Variants in STRA6 observed in about 807,000 individuals in gnomAD.
The protein encoded by STRA6 is receptor for retinol uptake STRA6.
STRA6 carries 48 observed loss-of-function variants against 83.6 expected under a neutral mutation model. That is an observed-to-expected ratio of 0.57 (90% CI 0.46 to 0.73). The LOEUF (loss-of-function observed/expected upper bound fraction) is 0.73, where lower values mean the gene tolerates loss of function less well. Ranked by LOEUF, STRA6 falls within the 30% of genes least tolerant of loss-of-function variation. The probability of loss-of-function intolerance (pLI) is 0.00; values close to 1 mark genes in which losing one functional copy is unlikely to be tolerated. For missense variants in STRA6, 760 were observed against 838.8 expected, an observed-to-expected ratio of 0.91 and a Z score of 1.16; for synonymous variants, 353 against 362.3, an observed-to-expected ratio of 0.97 and a Z score of 0.29.
rs11635868 is a variant in STRA6 at position 74,188,338 on chromosome 15, C to T, written c.1090+777G>A. The stretch of plus-strand genomic sequence containing the variant: ...ACTCCTCAGAAGCCGGGGGCCCATC[C>T]GTCCCAGCCTGGGGTCCCCAAGTAA... On this transcript the variant is annotated intron_variant, in intron 12 of 18. Coordinates refer to ENST00000395105, the MANE Select transcript of STRA6 (RefSeq NM_022369.4). The surrounding 1 kb of genome is among the most constrained non-coding windows in gnomAD (Gnocchi z 4.5). Among the ~76,000 whole-genome samples the T allele has an allele frequency of 0.1, 15,917 of 152,310 alleles. 1,081 individuals are homozygous for T. The highest frequency in any genetic ancestry group is 0.34 in the East Asian group (1,753 of 5,170).
rs778661748 is a variant in STRA6, at chr15:74,182,503, A to G, written c.1301-43T>C. ...GGCAGGGGGACAGAAAACAGGTTCC[A>G]TGAAAACTGGCCATCCCCGCTGCCC... On this transcript the variant is annotated intron_variant, in intron 14 of 18. Coordinates refer to ENST00000395105, the MANE Select transcript of STRA6 (RefSeq NM_022369.4). 5.8e-6 allele frequency: 9 copies of G among 1,539,764 alleles called. No homozygotes were observed. The East Asian group carries it at 1.9e-4, about 32-fold the overall frequency.
chr15:74,202,596 A>C, intron 1 of STRA6, 117 bp downstream of exon 1: 1 of 1,459,046 alleles, frequency 6.9e-7, no homozygotes, highest in Non-Finnish European at 9.0e-7. Flanking sequence ...ACCAACCACC[A>C]GCAGGCGTGT....
At chr15:74,191,696 A>C in intron 8 of STRA6, 1 of 625,144 alleles carries the variant, frequency 1.6e-6, no homozygotes, top group Middle Eastern at 4.1e-4. Flanking sequence ...TCACAAATAC[A>C]AGGCCAGTCT....
upstream of STRA6, chr15:74,212,238 C>T (rs2074374943): frequency 6.6e-6 from 1 of 152,424 alleles, no homozygotes; most frequent in Non-Finnish European, 1.5e-5. Flanking sequence ...CCTTCAGAGC[C>T]TGGTGGAGCA....
At chr15:74,194,900 C>T in intron 7 of STRA6, 1 of 1,394,848 alleles carries the variant, frequency 7.2e-7, no homozygotes, top group East Asian at 2.6e-5. Context: ...CTCCTCTCAG[C>T]CCTCTTAGAC....
At chr15:74,209,918 A>G (rs2074344502), upstream of STRA6, among the ~76,000 whole-genome samples, 1 of 152,204 alleles carries the variant, frequency 6.6e-6, no homozygotes, top group South Asian at 2.1e-4. Context: ...TTGAAGGAGA[A>G]AGGGAGTGCC....
intron 11 of STRA6, among the ~76,000 whole-genome samples, chr15:74,190,622 T>C (rs2073482589): frequency 6.6e-6 from 1 of 152,196 alleles, no homozygotes; most frequent in Non-Finnish European, 1.5e-5. Flanking sequence ...TTCGTGTTTA[T>C]GTGGCCTCCA....
intron 2 of STRA6, among the ~76,000 whole-genome samples, chr15:74,201,410 C>T (rs140516208): frequency 2.0e-5 from 3 of 152,298 alleles, no homozygotes; most frequent in East Asian, 1.9e-4. Context: ...CTGGGTCCTA[C>T]ACAGGCAAGA....
intron 11 of STRA6, among the ~76,000 whole-genome samples, chr15:74,190,462 CAAACATGT>C (rs2073475786): frequency 6.6e-6 from 1 of 151,136 alleles, no homozygotes; most frequent in South Asian, 2.1e-4. Context: ...CAGAGTTTAT[CAAACATGT>C]TGTCTTGCTA....
chr15:74,202,748 A>C lies in STRA6; in HGVS notation c.-51T>G, dbSNP rs2074138177. The C allele has an allele frequency of 8.2e-7, 1 of 1,226,948 alleles. No homozygotes were observed. Among genetic ancestry groups the C allele is most frequent in the Non-Finnish European group, 1.0e-6 (1 of 984,732 alleles). The allele number at this position is 1,226,948 out of a possible 1,614,324, so 76.0% of individuals were successfully genotyped here. On this transcript the variant is annotated 5_prime_UTR_variant, in exon 1 of 19. Transcript: ENST00000395105. ...GCCCAGGGAGGAAGGAGTTGCAGAGATGAAAGGGTAGGCAGCCCACGGCCA... is the reference window on the plus strand; with the variant it reads ...GCCCAGGGAGGAAGGAGTTGCAGAGCTGAAAGGGTAGGCAGCCCACGGCCA...
upstream of STRA6, chr15:74,207,646 G>C: frequency 1.3e-6 from 2 of 1,488,822 alleles, no homozygotes; most frequent in Non-Finnish European, 1.8e-6. Context: ...GCACGGAAGA[G>C]AACACGCAAG....
intron 3 of STRA6, 53 bp downstream of exon 3, chr15:74,197,699 C>T: frequency 6.2e-7 from 1 of 1,604,670 alleles, no homozygotes; most frequent in Non-Finnish European, 8.5e-7. Context: ...ACAGGTCCCA[C>T]TGCCCAGGCT....
chr15:74,202,083 G>A, intron 2 of STRA6, 72 bp downstream of exon 2: 1 of 1,381,178 alleles, frequency 7.2e-7, no homozygotes, highest in South Asian at 2.2e-5. Context: ...GCTGCTCCCT[G>A]GCCAGTTGCA....
In STRA6 at chr15:74,195,421, G is replaced by C; in HGVS notation, c.478C>G (p.Pro160Ala). The C allele has an allele frequency of 6.2e-7, 1 of 1,613,736 alleles. No homozygotes were observed. The highest frequency in any genetic ancestry group is 1.1e-5 in the South Asian group (1 of 90,996). The part of the protein sequence containing the change: ...GLFYYAALYY[P>A]LAACATAGHT... ...CCAGCCGTGGCACAGGCAGCCAGAG[G>C]GTAGTAGAGGGCAGCATAATAGAAC... The change falls in exon 7 of 19, where the codon CCT becomes GCT. Residue 160 changes from proline (P) to alanine (A), a missense_variant. Coordinates refer to ENST00000395105, the MANE Select transcript of STRA6 (RefSeq NM_022369.4).
intron 6 of STRA6, 23 bp from the exon 7 acceptor site, chr15:74,195,491 A>G (rs1430670070): frequency 6.2e-7 from 1 of 1,611,370 alleles, no homozygotes; most frequent in Non-Finnish European, 8.5e-7. Flanking sequence ...ACAAGCAGAG[A>G]GACCCATGCT....
chr15:74,188,979 G>A lies in STRA6; in HGVS notation c.1090+136C>T. 1.9e-6 allele frequency: 2 copies of A among 1,080,386 alleles called. No individual in the cohort carries two copies. The highest frequency in any genetic ancestry group is 2.2e-5 in the Admixed American group (1 of 45,566). 66.9% of individuals were successfully genotyped at this position (1,080,386 alleles called of 1,614,324 possible). A position where few individuals can be genotyped will look rare whatever the true frequency, so the allele number is the denominator to read the frequency against. On this transcript the variant is annotated intron_variant, in intron 12 of 18. Transcript: ENST00000395105. The surrounding 1 kb of genome is among the most constrained non-coding windows in gnomAD (Gnocchi z 4.5). ...GCCAACTGCCACAATTTGGAGATGA[G>A]GCAATCGAGACCCAGAGAGAGGAAG...
At chr15:74,193,695 C>T (rs968834611) in intron 8 of STRA6, 105 bp downstream of exon 8, 15 of 1,561,734 alleles carry the variant, frequency 9.6e-6, no homozygotes, top group Non-Finnish European at 1.3e-5. Flanking sequence ...CTATTCTGTG[C>T]TGGGCCCTAC....
intron 7 of STRA6, 65 bp from the exon 8 acceptor site, chr15:74,193,987 C>T (rs2073683105): frequency 5.6e-6 from 9 of 1,596,812 alleles, no homozygotes; most frequent in East Asian, 4.5e-5. Flanking sequence ...AACCAGAATC[C>T]GTTGCCCTTC....
At chr15:74,206,054 G>A (rs992577118), upstream of STRA6, among the ~76,000 whole-genome samples, 7 of 152,226 alleles carry the variant, frequency 4.6e-5, no homozygotes, top group African/African-American at 1.4e-4. Context: ...TTTCCTCTCT[G>A]TGGGTCTCAC....
Sources: gnomAD v4.1 joint callset for allele counts (sites outside exome capture counted in the v4.1 genomes callset) on GRCh38, gnomAD v4.1.1 for gene constraint, Gnocchi (gnomAD v3.1) non-coding constraint, MANE v1.5 for transcripts, NCBI Gene and HGNC (gene_info 2026-07-23, HGNC 2026-07-21) for gene names.